CHD6: variants seen among roughly 807,000 people sequenced by gnomAD.
CHD6 encodes chromodomain helicase DNA binding protein 6.
In CHD6, 50 loss-of-function variants were observed where a neutral mutation model predicts 276.9. The observed-to-expected ratio is 0.18, with a 90% CI of 0.14 to 0.23. The LOEUF is 0.23. Ranked by LOEUF, CHD6 falls within the 10% of genes least tolerant of loss-of-function variation. CHD6 has a pLI of 1.00. For missense variants in CHD6, 2,564 were observed against 3,365.8 expected, an observed-to-expected ratio of 0.76 and a Z score of 5.89; for synonymous variants, 1,173 against 1,229.3, an observed-to-expected ratio of 0.95 and a Z score of 0.96.
chr20:41,570,808 C>A (rs549296760), intron 1 of CHD6, among the ~76,000 whole-genome samples: 14 of 152,314 alleles, frequency 9.2e-5, no homozygotes, highest in African/African-American at 3.1e-4. Flanking sequence ...TTGAAATTCA[C>A]CCTAAATTCT....
intron 30 of CHD6, among the ~76,000 whole-genome samples, chr20:41,422,392 C>T (rs1238352968): frequency 4.6e-5 from 7 of 152,130 alleles, no homozygotes; most frequent in Admixed American, 1.3e-4. Flanking sequence ...AATCCCAGCA[C>T]TTTGAGAGGC....
chr20:41,558,664 C>T (rs1392702508), intron 1 of CHD6, among the ~76,000 whole-genome samples: 1 of 152,174 alleles, frequency 6.6e-6, no homozygotes, highest in Non-Finnish European at 1.5e-5. Context: ...AGTGCCTCAT[C>T]TCCTGGGGAC....
At chr20:41,460,591 C>T (rs1488030617) in intron 17 of CHD6, among the ~76,000 whole-genome samples, 6 of 152,214 alleles carry the variant, frequency 3.9e-5, no homozygotes, top group African/African-American at 1.4e-4. Context: ...AAGCACCAAA[C>T]CTTGGCAGCT....
intron 2 of CHD6, among the ~76,000 whole-genome samples, chr20:41,543,219 C>T (rs909593733): frequency 6.6e-6 from 1 of 151,928 alleles, no homozygotes; most frequent in African/African-American, 2.4e-5. Context: ...AAGATAGAGG[C>T]ATATTATGAC....
chr20:41,421,044 C>A lies in CHD6; in HGVS notation c.5591G>T (p.Ser1864Ile). Reference sequence around the variant, plus strand: ...TTCCTCCTCTTCTTCCTCCTCATCACTGTGGTTCTGACTCAAAATCAATTT... The same window carrying A: ...TTCCTCCTCTTCTTCCTCCTCATCAATGTGGTTCTGACTCAAAATCAATTT... ...ESKLILSQNH[S>I]DEEEEEEENE... Residue 1864 changes from serine (S) to isoleucine (I), a missense_variant, in exon 31 of 37, where the codon AGT (serine) becomes ATT (isoleucine). Around this residue, in one of 7 missense-constraint regions of CHD6, gnomAD observed 1,024 missense variants for 1,047.9 expected, o/e 0.98. Transcript: ENST00000373233. 1 of 1,613,956 alleles carries A rather than the reference C, an allele frequency of 6.2e-7. No homozygotes were observed. The highest frequency in any genetic ancestry group is 8.5e-7 in the Non-Finnish European group (1 of 1,179,956).
chr20:41,433,118 A>G (rs2047597116), intron 27 of CHD6, among the ~76,000 whole-genome samples: 1 of 152,058 alleles, frequency 6.6e-6, no homozygotes, highest in Non-Finnish European at 1.5e-5. Context: ...AGAGACCCAC[A>G]GGTCTATAAC....
chr20:41,519,119 A>C (rs972221299), intron 3 of CHD6, among the ~76,000 whole-genome samples: 1 of 152,202 alleles, frequency 6.6e-6, no homozygotes, highest in South Asian at 2.1e-4. Flanking sequence ...CCGTCTCTAC[A>C]AAAAAATACA....
At chr20:41,614,650 T>C (rs1388563727) in intron 1 of CHD6, 4 of 152,228 alleles carry the variant, frequency 2.6e-5, no homozygotes, top group Non-Finnish European at 1.5e-5. Context: ...TTTATGCAGA[T>C]GATTTAGTTC....
chr20:41,506,332 C>T (rs756118099), intron 5 of CHD6, among the ~76,000 whole-genome samples: 2 of 152,098 alleles, frequency 1.3e-5, no homozygotes, highest in Non-Finnish European at 2.9e-5. Flanking sequence ...GGTTCCTGCC[C>T]ACCCTCCCAC....
At chr20:41,464,162 A>G (rs1255716500) in intron 17 of CHD6, among the ~76,000 whole-genome samples, 1 of 152,204 alleles carries the variant, frequency 6.6e-6, no homozygotes, top group Non-Finnish European at 1.5e-5. Flanking sequence ...TGAAATACAG[A>G]CCCTTGAAAT....
intron 26 of CHD6, among the ~76,000 whole-genome samples, chr20:41,438,320 T>TG (rs2047782601): frequency 6.6e-6 from 1 of 152,198 alleles, no homozygotes; most frequent in Non-Finnish European, 1.5e-5. Context: ...GTGGGTGCAG[T>TG]GGCTCACACC....
chr20:41,594,256 C>T (rs950037915), intron 1 of CHD6, among the ~76,000 whole-genome samples: 1 of 152,326 alleles, frequency 6.6e-6, no homozygotes, highest in East Asian at 1.9e-4. Flanking sequence ...TTTTCAGGAC[C>T]ATATGCTAAA....
intron 1 of CHD6, among the ~76,000 whole-genome samples, chr20:41,579,208 G>T (rs1377869217): frequency 1.3e-5 from 2 of 149,880 alleles, no homozygotes; most frequent in African/African-American, 4.9e-5. Context: ...ACGCCGAGGT[G>T]GGCTGATCAC....
intron 1 of CHD6, among the ~76,000 whole-genome samples, chr20:41,556,911 A>C (rs2045245173): frequency 6.6e-6 from 1 of 152,222 alleles, no homozygotes; most frequent in South Asian, 2.1e-4. Context: ...TTGTAAGGCT[A>C]AATTTTATGT....
rs2044215751 is a variant in CHD6 at position 41,514,951 on chromosome 20, T to C, written c.556A>G (p.Lys186Glu). The change falls in exon 4 of 37, where the codon AAG (lysine) becomes GAG (glutamate). Residue 186 changes from lysine (K) to glutamate (E), a missense_variant and splice_region_variant. By Grantham distance (56) the Lys-to-Glu change is moderately conservative (BLOSUM62 1). Coordinates refer to ENST00000373233, the MANE Select transcript of CHD6 (RefSeq NM_032221.5). ...AARTKSRKAS[K>E]EQGPTPVEKK... The stretch of plus-strand genomic sequence containing the variant: ...TCCACTGGGGTTGGTCCTTGCTCCT[T>C]GCTACAAGGAGAAATTCAGAATTAA... 6 of 1,613,760 alleles carry C rather than the reference T, an allele frequency of 3.7e-6. No individual in the cohort carries two copies. Among genetic ancestry groups the C allele is most frequent in the Non-Finnish European group, 5.1e-6 (6 of 1,179,822 alleles).
At chr20:41,589,139 C>A (rs1481011207) in intron 1 of CHD6, among the ~76,000 whole-genome samples, 1 of 152,162 alleles carries the variant, frequency 6.6e-6, no homozygotes, top group African/African-American at 2.4e-5. Context: ...TCAATAGATG[C>A]AGAAAAGGTC....
intron 14 of CHD6, chr20:41,485,933 ATT>A (rs1568633016): frequency 6.6e-6 from 1 of 152,162 alleles, no homozygotes; most frequent in African/African-American, 2.4e-5. Context: ...ATAAATACAT[ATT>A]TTGTCGATTA....
intron 1 of CHD6, among the ~76,000 whole-genome samples, chr20:41,592,002 G>C (rs1325546171): frequency 1.3e-5 from 2 of 152,108 alleles, no homozygotes; most frequent in African/African-American, 4.8e-5. Context: ...AGGAGGCAGA[G>C]GCAAGAGAAT....
chr20:41,592,072 C>G (rs2045668196), intron 1 of CHD6, among the ~76,000 whole-genome samples: 1 of 152,156 alleles, frequency 6.6e-6, no homozygotes, highest in South Asian at 2.1e-4. Context: ...GCACTCCAGC[C>G]TGGGCGACAG....
Sources: gnomAD v4.1 joint callset for allele counts (sites outside exome capture counted in the v4.1 genomes callset) on GRCh38, gnomAD v4.1.1 for gene constraint, gnomAD v4.1.1 regional missense constraint, MANE v1.5 for transcripts, NCBI Gene and HGNC (gene_info 2026-07-23, HGNC 2026-07-21) for gene names.